Variants in NAV2 observed in about 807,000 individuals in gnomAD.
The protein encoded by NAV2 is helicase, APC down-regulated 1.
Under a neutral mutation model 223.2 loss-of-function variants are expected in NAV2, and 54 were observed. The ratio of observed to expected loss-of-function variants is 0.24; its 90% CI spans 0.19 to 0.30. NAV2 has a LOEUF of 0.30. Among genes scored for constraint, NAV2 ranks in the 10% least tolerant of loss-of-function variants. The pLI is 1.00. For missense variants in NAV2, 2,806 were observed against 3,147.5 expected (o/e 0.89, Z 2.60); for synonymous variants, 1,279 against 1,239.3 (o/e 1.03, Z -0.67).
rs547129493 is a variant in NAV2, at chr11:19,841,062, G to C, written c.386-1809G>C. Among the ~76,000 whole-genome samples, 140 of 152,234 alleles carry C rather than the reference G, an allele frequency of 9.2e-4. 5 individuals are homozygous for C. Among genetic ancestry groups the C allele is most frequent in the South Asian group, 8.1e-3 (39 of 4,814 alleles). ...TCATGGCACCTCTTTTGGGAGCAAG[G>C]CTTTCTACAATGCCTATCCTAGTGT... On this transcript the variant is annotated intron_variant, in intron 2 of 37. Coordinates refer to ENST00000349880, the MANE Select transcript of NAV2 (RefSeq NM_145117.5).
At position 20,043,123 on chromosome 11, in the gene NAV2, C is replaced by T. The variant is rs77859009; in HGVS notation, c.2908-858C>T. Among the ~76,000 whole-genome samples the T allele has an allele frequency of 2.9e-3, 441 of 152,298 alleles. 3 individuals are homozygous for T. Among genetic ancestry groups the T allele is most frequent in the Non-Finnish European group, 3.7e-3 (255 of 68,022 alleles). ...TTGGGGGAAGTAGCATTTGAGGATG[C>T]GCTTCCCCTCAGCTCCTGGCTCTCC... On this transcript the variant is annotated intron_variant, in intron 12 of 37. Coordinates refer to ENST00000349880, the MANE Select transcript of NAV2 (RefSeq NM_145117.5).
In NAV2 at chr11:19,984,250, A is replaced by T; in HGVS notation, c.2768+3A>T. On this transcript the variant is annotated splice_donor_region_variant and intron_variant, in intron 11 of 37. Coordinates refer to ENST00000349880, the MANE Select transcript of NAV2 (RefSeq NM_145117.5). ...CTGGGCCTCGGAGACGCTGACAGGT[A>T]AGCTTGCTGCACTTGGGGCTGGTCA... 6.2e-7 allele frequency: 1 copy of T among 1,614,058 alleles called. No individual in the cohort carries two copies. The highest frequency in any genetic ancestry group is 2.2e-5 in the East Asian group (1 of 44,884).
At chr11:19,896,298 G>A (rs766840614) in intron 6 of NAV2, among the ~76,000 whole-genome samples, 13 of 152,128 alleles carry the variant, frequency 8.5e-5, no homozygotes, top group Admixed American at 2.6e-4. Context: ...ATTGAAACTC[G>A]GTGCCCATTA....
intron 1 of NAV2, among the ~76,000 whole-genome samples, chr11:19,606,473 T>C (rs1347563738): frequency 6.6e-6 from 1 of 152,086 alleles, no homozygotes; most frequent in Non-Finnish European, 1.5e-5. Flanking sequence ...CACTTCTCCA[T>C]TTTCCACTTT....
At position 19,541,784 on chromosome 11, in the gene NAV2, A is replaced by G. The variant is rs149361446; in HGVS notation, c.75+190757A>G. On this transcript the variant is annotated intron_variant, in intron 1 of 37. Transcript: ENST00000360655. ...CAGGGGGTCATTTTATTTAGTTCCA[A>G]TTGGACCCTGTGATTGGTCTCAGCC... Among the ~76,000 whole-genome samples the G allele has an allele frequency of 1.1e-4, 16 of 152,152 alleles. No individual in the cohort carries two copies. The East Asian group carries it at 2.7e-3, about 26-fold the overall frequency.
At chr11:19,469,150 T>C (rs1469928616) in intron 1 of NAV2, among the ~76,000 whole-genome samples, 1 of 152,196 alleles carries the variant, frequency 6.6e-6, no homozygotes, top group African/African-American at 2.4e-5. Flanking sequence ...ACAAGAGTGA[T>C]GTCAAAGTTT....
At chr11:20,051,374 G>A in intron 17 of NAV2, 41 bp downstream of exon 17, 2 of 1,598,220 alleles carry the variant, frequency 1.3e-6, no homozygotes, top group Non-Finnish European at 1.7e-6. Flanking sequence ...ATCTGTTGTG[G>A]CTTTGGAGCT....
chr11:19,886,633 C>T (rs2041004192), intron 5 of NAV2, among the ~76,000 whole-genome samples: 1 of 152,146 alleles, frequency 6.6e-6, no homozygotes, highest in Non-Finnish European at 1.5e-5. Context: ...TGCCTGTTCC[C>T]ACGATGTGCT....
rs188200160 is a variant in NAV2 at position 19,624,177 on chromosome 11, T to C, written c.76-208307T>C. Among the ~76,000 whole-genome samples the C allele has an allele frequency of 2.6e-5, 4 of 152,326 alleles. No individual in the cohort carries two copies. In the East Asian group the frequency reaches 7.7e-4, roughly 29 times the overall value. On this transcript the variant is annotated intron_variant, in intron 1 of 37. Coordinates refer to the NAV2 transcript ENST00000360655. ...GCCGTGTGAGGTGTCAGTCGGACCC[T>C]ACTGCGAGGTGCCTCCCAGTTAGGC...
In NAV2 at chr11:19,875,182, A is replaced by G. The variant is rs975810097; in HGVS notation, c.512-4687A>G. Among the ~76,000 whole-genome samples the G allele has an allele frequency of 3.9e-5, 6 of 152,248 alleles. No individual in the cohort carries two copies. In the East Asian group the frequency reaches 1.2e-3, roughly 29 times the overall value. ...AAAACGAACAAAACTAGATGCAAAA[A>G]TCTATATACAGATGCTCCTCAACTT... On this transcript the variant is annotated intron_variant, in intron 4 of 37. Coordinates refer to ENST00000349880, the MANE Select transcript of NAV2 (RefSeq NM_145117.5).
Position 19,595,733 on chromosome 11 carries a change from A to AT in NAV2, c.76-236751_76-236750insT, listed in dbSNP as rs1565085036. Among the ~76,000 whole-genome samples, 63 of 151,048 alleles carry AT rather than the reference A, an allele frequency of 4.2e-4. 2 individuals are homozygous for AT. The highest frequency in any genetic ancestry group is 1.4e-3 in the African/African-American group (58 of 41,080). On this transcript the variant is annotated intron_variant, in intron 1 of 37. Coordinates refer to the NAV2 transcript ENST00000360655. The stretch of plus-strand genomic sequence containing the variant: ...CCATGAAGGCTAATTAAAAAAAAAA[A>AT]ATTTTTTTTTTAGTGATGGGGTCTC...
At chr11:19,963,920 A>G (rs1480597708) in intron 10 of NAV2, among the ~76,000 whole-genome samples, 1 of 152,120 alleles carries the variant, frequency 6.6e-6, no homozygotes, top group Non-Finnish European at 1.5e-5. Context: ...AAATCTCATG[A>G]AAGTGGGCAT....
At chr11:19,526,425 C>A (rs1401185484) in intron 1 of NAV2, among the ~76,000 whole-genome samples, 1 of 151,966 alleles carries the variant, frequency 6.6e-6, no homozygotes, top group Non-Finnish European at 1.5e-5. Context: ...GGAGATCAAT[C>A]TTCTCCCCTT....
At chr11:19,932,727 CCTT>C (rs1265413884) in intron 6 of NAV2, among the ~76,000 whole-genome samples, 3 of 152,060 alleles carry the variant, frequency 2.0e-5, no homozygotes, top group African/African-American at 4.8e-5. Flanking sequence ...CATGGTTTCT[CCTT>C]CTTTTCTATT....
chr11:19,778,456 A>G (rs192920352), intron 1 of NAV2: 20 of 433,440 alleles, frequency 4.6e-5, no homozygotes, highest in African/African-American at 3.5e-4. Context: ...ATAAACTGGA[A>G]TGCATACTTA....
chr11:19,811,922 C>T (rs1030708945), intron 1 of NAV2, among the ~76,000 whole-genome samples: 2 of 152,148 alleles, frequency 1.3e-5, no homozygotes, highest in Admixed American at 6.5e-5. Flanking sequence ...AACAGATACG[C>T]GTTGTCTTTA....
rs909254135 is a variant in NAV2, at chr11:20,120,255, T to C, written c.*1997T>C. 2.0e-5 allele frequency: 3 copies of C among 152,236 alleles called. No homozygotes were observed. The highest frequency in any genetic ancestry group is 7.2e-5 in the African/African-American group (3 of 41,460). The allele number at this position is 152,236 out of a possible 1,614,324, so 9.4% of individuals were successfully genotyped here. A position where few individuals can be genotyped will look rare whatever the true frequency, so the allele number is the denominator to read the frequency against. On this transcript the variant is annotated 3_prime_UTR_variant, in exon 38 of 38. Transcript: ENST00000349880. ...AAAAGAAAAGGGGAATGTGTCCCAC[T>C]AGTGAAAGGAAAACTTTTCAACACT...
At position 19,926,488 on chromosome 11, in the gene NAV2, G is replaced by A. The variant is rs144848185; in HGVS notation, c.932-6688G>A. On this transcript the variant is annotated intron_variant, in intron 6 of 37. Coordinates refer to ENST00000349880, the MANE Select transcript of NAV2 (RefSeq NM_145117.5). ...CAGTGCTGCTGAGGAGGCTCCTCCA[G>A]CCAGGCTCCAAGAACCTTGCAGAAC... Among the ~76,000 whole-genome samples, 253 of 152,206 alleles carry A rather than the reference G, an allele frequency of 1.7e-3. 1 individual carries two copies. The highest frequency in any genetic ancestry group is 5.4e-3 in the African/African-American group (224 of 41,534).
chr11:19,806,307 G>GT, intron 1 of NAV2, among the ~76,000 whole-genome samples: 1 of 152,324 alleles, frequency 6.6e-6, no homozygotes, highest in Non-Finnish European at 1.5e-5. Context: ...ATATTACATT[G>GT]TAAGTGATAA....
Sources: allele counts gnomAD v4.1 joint callset (sites outside exome capture counted in the v4.1 genomes callset), GRCh38; gene constraint gnomAD v4.1.1; transcripts MANE v1.5; gene names NCBI Gene and HGNC (gene_info 2026-07-23, HGNC 2026-07-21).